Variants in BCAT2 observed in about 807,000 individuals in gnomAD.
BCAT2 encodes branched-chain-amino-acid aminotransferase, mitochondrial.
Under a neutral mutation model 52.9 loss-of-function variants are expected in BCAT2, and 44 were observed. That is an observed-to-expected ratio of 0.83 (90% CI 0.65 to 1.07). The LOEUF is 1.07. BCAT2 is among the 50% of genes least tolerant of loss of function. BCAT2 has a pLI of 0.00. For synonymous variants in BCAT2, 215 were observed against 217.1 expected (o/e 0.99, Z 0.08); for missense variants, 478 against 521.8 (o/e 0.92, Z 0.82).
rs766907460 is a variant in BCAT2 at position 48,799,868 on chromosome 19, G to A, written c.532-30C>T. ...GACGGGCAAAGGGACAGCGTCAGGA[G>A]TCCAGGCCCCCAGTCCCTTCCCGTC... is the stretch of plus-strand genomic sequence containing the variant. On this transcript the variant is annotated intron_variant, in intron 5 of 10. Coordinates refer to ENST00000316273, the MANE Select transcript of BCAT2 (RefSeq NM_001190.4). This position sits in a 1 kb window ranked among gnomAD's most constrained non-coding sequence, Gnocchi z 5.5. The A allele has an allele frequency of 3.8e-6, 6 of 1,575,274 alleles. No homozygotes were observed. The South Asian group carries it at 4.6e-5, about 12-fold the overall frequency.
Position 48,800,191 on chromosome 19 carries a change from A to T in BCAT2, c.407T>A (p.Leu136Gln), listed in dbSNP as rs1245005995. 6.2e-7 allele frequency: 1 copy of T among 1,613,422 alleles called. No homozygotes were observed. Residue 136 changes from leucine (L) to glutamine (Q), a missense_variant, in exon 4 of 11, where the codon CTG (leucine) becomes CAG (glutamine). Physicochemically the swap from Leu to Gln is moderately radical, Grantham distance 113. Coordinates refer to ENST00000316273, the MANE Select transcript of BCAT2 (RefSeq NM_001190.4). ...RMLRSAMRLCLPSFDKLELLE... is the reference protein window; with the variant it reads ...RMLRSAMRLCQPSFDKLELLE... ...CGGTGGACCGGGACCCCTCACCGGC[A>T]GGCACAGGCGCATGGCTGAGCGCAG...
rs964084155 is a variant in BCAT2 at position 48,797,267 on chromosome 19, C to G, written c.762G>C (p.Trp254Cys). Residue 254 changes from tryptophan (W) to cysteine (C), a missense_variant, in exon 7 of 11, where the codon TGG becomes TGC. By Grantham distance (215) the Trp-to-Cys change is radical. Transcript: ENST00000316273. ...TGAGCTGGTGGTCGGGCCCATACAGCCAGAGGACCTGTTCACAGCCCCGCT... is the reference window on the plus strand; with the variant it reads ...TGAGCTGGTGGTCGGGCCCATACAGGCAGAGGACCTGTTCACAGCCCCGCT... ...ALKRGCEQVL[W>C]LYGPDHQLTE... 7 of 1,613,926 alleles carry G rather than the reference C, an allele frequency of 4.3e-6. No homozygotes were observed. The highest frequency in any genetic ancestry group is 2.2e-5 in the East Asian group (1 of 44,890).
In BCAT2 at chr19:48,806,407, A is replaced by G. The variant is rs954008582; in HGVS notation, c.300+110T>C. On this transcript the variant is annotated intron_variant, in intron 3 of 10. Transcript: ENST00000316273. ...CAGAAAACAAATGGTGAATGCACAG[A>G]AAGGAGAAACACACAACAAACAAAC... 7 of 1,387,318 alleles carry G rather than the reference A, an allele frequency of 5.0e-6. No individual in the cohort carries two copies. The Admixed American group carries it at 1.4e-4, about 27-fold the overall frequency. 85.9% of individuals were successfully genotyped at this position (1,387,318 alleles called of 1,614,324 possible).
At chr19:48,796,817 A>G (rs916105880) in intron 8 of BCAT2, 99 bp from the exon 9 acceptor site, 3 of 1,591,482 alleles carry the variant, frequency 1.9e-6, no homozygotes, top group Admixed American at 3.4e-5. Context: ...ACAGAGGCCC[A>G]ACGGGAGAGA....
At chr19:48,797,576 A>C (rs182674510) in intron 6 of BCAT2, 7 of 482,582 alleles carry the variant, frequency 1.5e-5, no homozygotes, top group Non-Finnish European at 2.2e-5. Context: ...TTTAAGACGG[A>C]GTCTCGCTCT....
In BCAT2 at chr19:48,807,662, C is replaced by G; in HGVS notation, c.25-588G>C. 1.1e-6 allele frequency: 1 copy of G among 943,822 alleles called. No homozygotes were observed. The highest frequency in any genetic ancestry group is 1.3e-6 in the Non-Finnish European group (1 of 790,836). 58.5% of individuals were successfully genotyped at this position (943,822 alleles called of 1,614,324 possible). A position where few individuals can be genotyped will look rare whatever the true frequency, so the allele number is the denominator to read the frequency against. ...CAGGCCCCACCCCTCCTCCCTCAGA[C>G]CCAGGAGTCCAGTTCCCCAGCCCCT... is the stretch of plus-strand genomic sequence containing the variant. On this transcript the variant is annotated intron_variant, in intron 1 of 10. Coordinates refer to ENST00000316273, the MANE Select transcript of BCAT2 (RefSeq NM_001190.4). The surrounding 1 kb of genome is among the most constrained non-coding windows in gnomAD (Gnocchi z 4.6).
intron 3 of BCAT2, among the ~76,000 whole-genome samples, chr19:48,801,313 A>G (rs2034653091): frequency 6.6e-6 from 1 of 152,034 alleles, no homozygotes; most frequent in Non-Finnish European, 1.5e-5. Context: ...AACTAGCTAC[A>G]ATATTTTGGG....
intron 1 of BCAT2, 139 bp downstream of exon 1, chr19:48,810,845 A>G (rs2122711761): frequency 3.3e-6 from 5 of 1,506,470 alleles, no homozygotes; most frequent in East Asian, 5.4e-5. Context: ...AAAGGGCGCC[A>G]TCCTCCTCCG....
intron 3 of BCAT2, among the ~76,000 whole-genome samples, chr19:48,802,225 G>A (rs1160237773): frequency 6.6e-6 from 1 of 152,004 alleles, no homozygotes; most frequent in African/African-American, 2.4e-5. Context: ...ATGGGAGATT[G>A]GAAAAGATCT....
At chr19:48,801,963 C>T (rs1234928027) in intron 3 of BCAT2, among the ~76,000 whole-genome samples, 1 of 149,482 alleles carries the variant, frequency 6.7e-6, no homozygotes, top group Non-Finnish European at 1.5e-5. Flanking sequence ...ATTTCTTGTA[C>T]AGATAGGGTC....
rs777002963 is a variant in BCAT2, at chr19:48,799,715, G to A, written c.655C>T (p.Arg219Trp). ...TTGCCGACCCCGCCCACCCAGGCCC[G>A]GATGAAGGCTGGGTCGGCCAGGAGG... ...VSLLADPAFI[R>W]AWVGGVGNYK... Residue 219 changes from arginine (R) to tryptophan (W), a missense_variant, in exon 6 of 11, where the codon CGG (arginine) becomes TGG (tryptophan). Coordinates refer to ENST00000316273, the MANE Select transcript of BCAT2 (RefSeq NM_001190.4). This position sits in a 1 kb window ranked among gnomAD's most constrained non-coding sequence, Gnocchi z 5.5. 2.5e-6 allele frequency: 4 copies of A among 1,597,508 alleles called. No homozygotes were observed. The African/African-American group carries it at 4.0e-5, about 16-fold the overall frequency.
In BCAT2 at chr19:48,807,124, C is replaced by T. The variant is rs2034805724; in HGVS notation, c.25-50G>A. Reference sequence around the variant, plus strand: ...GGGGGTGAGTGGGGCACAGCAGGGGCCCTGGCAGCTCGCTCGCCACCTCCT... The same window carrying T: ...GGGGGTGAGTGGGGCACAGCAGGGGTCCTGGCAGCTCGCTCGCCACCTCCT... On this transcript the variant is annotated intron_variant, in intron 1 of 10. Coordinates refer to ENST00000316273, the MANE Select transcript of BCAT2 (RefSeq NM_001190.4). The surrounding 1 kb of genome is among the most constrained non-coding windows in gnomAD (Gnocchi z 4.6). 5 of 1,516,114 alleles carry T rather than the reference C, an allele frequency of 3.3e-6. No individual in the cohort carries two copies. Among genetic ancestry groups the T allele is most frequent in the Admixed American group, 3.7e-5 (2 of 54,308 alleles). 93.9% of individuals were successfully genotyped at this position (1,516,114 alleles called of 1,614,324 possible).
chr19:48,810,968 G>C lies in BCAT2; in HGVS notation c.24+16C>G, dbSNP rs548947762. 7 of 1,607,570 alleles carry C rather than the reference G, an allele frequency of 4.4e-6. No homozygotes were observed. The South Asian group carries it at 4.4e-5, about 10-fold the overall frequency. ...CCGGTTATTTCCCAGACCCCGGCGCGGGGCTGCGAACCCACCTGCCCCAGA... is the reference window on the plus strand; with the variant it reads ...CCGGTTATTTCCCAGACCCCGGCGCCGGGCTGCGAACCCACCTGCCCCAGA... On this transcript the variant is annotated intron_variant, in intron 1 of 10. Transcript: ENST00000316273.
chr19:48,808,584 C>T (rs1568512257), intron 1 of BCAT2, among the ~76,000 whole-genome samples: 1 of 151,914 alleles, frequency 6.6e-6, no homozygotes, highest in Non-Finnish European at 1.5e-5. Flanking sequence ...TAGGGAGACC[C>T]TGTCTCTACA....
In BCAT2 at chr19:48,807,142, C is replaced by T. The variant is rs1489149456; in HGVS notation, c.25-68G>A. Reference sequence around the variant, plus strand: ...GCAGGGGCCCTGGCAGCTCGCTCGCCACCTCCTGCACTTGGAGGTCCCACT... The same window carrying T: ...GCAGGGGCCCTGGCAGCTCGCTCGCTACCTCCTGCACTTGGAGGTCCCACT... On this transcript the variant is annotated intron_variant, in intron 1 of 10. Transcript: ENST00000316273. The surrounding 1 kb of genome is among the most constrained non-coding windows in gnomAD (Gnocchi z 4.6). The T allele has an allele frequency of 2.7e-5, 36 of 1,337,250 alleles. No homozygotes were observed. In the South Asian group the frequency reaches 3.4e-4, roughly 13 times the overall value. The allele number at this position is 1,337,250 out of a possible 1,614,324, so 82.8% of individuals were successfully genotyped here.
Position 48,807,756 on chromosome 19 carries a change from C to T in BCAT2, c.25-682G>A. On this transcript the variant is annotated intron_variant, in intron 1 of 10. Coordinates refer to ENST00000316273, the MANE Select transcript of BCAT2 (RefSeq NM_001190.4). This position sits in a 1 kb window ranked among gnomAD's most constrained non-coding sequence, Gnocchi z 4.6. Reference sequence around the variant, plus strand: ...ATTCGATCAACTGGGCTCTGATTACCTGAAATACAAACCCATTTTGGCAGT... The same window carrying T: ...ATTCGATCAACTGGGCTCTGATTACTTGAAATACAAACCCATTTTGGCAGT... 1 of 986,136 alleles carries T rather than the reference C, an allele frequency of 1.0e-6. No homozygotes were observed. Among genetic ancestry groups the T allele is most frequent in the Non-Finnish European group, 1.2e-6 (1 of 830,048 alleles). The allele number at this position is 986,136 out of a possible 1,614,324, so 61.1% of individuals were successfully genotyped here.
At chr19:48,808,889 T>C (rs1599812825) in intron 1 of BCAT2, among the ~76,000 whole-genome samples, 2 of 150,414 alleles carry the variant, frequency 1.3e-5, no homozygotes, top group Non-Finnish European at 3.0e-5. Context: ...GCCTGGGCAA[T>C]ATAGCAAGAC....
intron 6 of BCAT2, 147 bp from the exon 7 acceptor site, chr19:48,797,480 CT>C (rs1371335590): frequency 4.0e-6 from 4 of 994,260 alleles, no homozygotes; most frequent in Non-Finnish European, 5.8e-6. Flanking sequence ...GAATCCTTGA[CT>C]TTTCATTTGG....
chr19:48,806,832 G>C (rs1411243427), intron 2 of BCAT2, 115 bp from the exon 3 acceptor site: 1 of 1,425,422 alleles, frequency 7.0e-7, no homozygotes, highest in African/African-American at 1.4e-5. Flanking sequence ...TGTCACCCTG[G>C]AGGATTCTGG....
Sources: gnomAD v4.1 joint callset for allele counts (sites outside exome capture counted in the v4.1 genomes callset) on GRCh38, gnomAD v4.1.1 for gene constraint, Gnocchi (gnomAD v3.1) non-coding constraint, MANE v1.5 for transcripts, NCBI Gene and HGNC (gene_info 2026-07-23, HGNC 2026-07-21) for gene names.